The following NFIA variants were observed in gnomAD, a reference collection of about 807,000 sequenced individuals.
The protein encoded by NFIA is nuclear factor 1 A-type.
Under a neutral mutation model 62.8 loss-of-function variants are expected in NFIA, and 8 were observed. The observed-to-expected ratio is 0.13, with a 90% CI of 0.07 to 0.23. The LOEUF is 0.23. NFIA is among the 10% of genes least tolerant of loss of function. The pLI is 1.00. For missense variants in NFIA, 410 were observed against 642.1 expected, an observed-to-expected ratio of 0.64 and a Z score of 3.91; for synonymous variants, 235 against 238.1, an observed-to-expected ratio of 0.99 and a Z score of 0.12.
chr1:61,424,534 A>C (rs1467800605), intron 9 of NFIA, among the ~76,000 whole-genome samples: 1 of 152,136 alleles, frequency 6.6e-6, no homozygotes, highest in Non-Finnish European at 1.5e-5. Flanking sequence ...TCAATCACTC[A>C]TAGACTTCAT....
intron 2 of NFIA, among the ~76,000 whole-genome samples, chr1:61,137,114 A>G (rs1317983721): frequency 1.3e-5 from 2 of 152,196 alleles, no homozygotes; most frequent in Non-Finnish European, 2.9e-5. Context: ...TTTAAGGGAA[A>G]ATGCTAGCGG....
intron 2 of NFIA, among the ~76,000 whole-genome samples, chr1:61,230,471 G>A (rs544177001): frequency 4.4e-4 from 67 of 151,990 alleles, no homozygotes; most frequent in African/African-American, 1.5e-3. Flanking sequence ...TAAGTTCCCC[G>A]AGTCCACCTT....
At chr1:61,276,157 G>C (rs953617869) in intron 2 of NFIA, among the ~76,000 whole-genome samples, 1 of 152,068 alleles carries the variant, frequency 6.6e-6, no homozygotes, top group Non-Finnish European at 1.5e-5. Flanking sequence ...TTTTGCTATA[G>C]TCACCAGGTT....
intron 2 of NFIA, among the ~76,000 whole-genome samples, chr1:61,184,805 T>TA (rs1416179717): frequency 6.6e-6 from 1 of 152,160 alleles, no homozygotes; most frequent in Non-Finnish European, 1.5e-5. Flanking sequence ...AGGAAAATGG[T>TA]AAAATGCAAC....
intron 7 of NFIA, 116 bp from the exon 8 acceptor site, chr1:61,403,988 A>G: frequency 1.7e-6 from 2 of 1,206,956 alleles, no homozygotes; most frequent in East Asian, 4.7e-5. Flanking sequence ...ATTCAGTCAC[A>G]TGAGCAATAT....
At chr1:61,136,433 G>A (rs997269142) in intron 2 of NFIA, among the ~76,000 whole-genome samples, 1 of 152,096 alleles carries the variant, frequency 6.6e-6, no homozygotes, top group Non-Finnish European at 1.5e-5. Flanking sequence ...CAAATTATAC[G>A]CAAACTAGTA....
chr1:61,100,756 C>T (rs1369092716), intron 2 of NFIA, among the ~76,000 whole-genome samples: 1 of 151,914 alleles, frequency 6.6e-6, no homozygotes, highest in Non-Finnish European at 1.5e-5. Context: ...ACACCCTGGG[C>T]TAACTTAAAA....
At chr1:61,290,805 G>A (rs1658833487) in intron 3 of NFIA, among the ~76,000 whole-genome samples, 1 of 152,130 alleles carries the variant, frequency 6.6e-6, no homozygotes, top group African/African-American at 2.4e-5. Context: ...TCCTTGAAGG[G>A]AGCCAGAGGA....
At chr1:61,170,883 T>G (rs1649917695) in intron 2 of NFIA, among the ~76,000 whole-genome samples, 2 of 150,880 alleles carry the variant, frequency 1.3e-5, no homozygotes, top group Middle Eastern at 3.4e-3. Context: ...TGTTGTTGTT[T>G]TAAACAGTAA....
In NFIA at chr1:61,273,656, T is replaced by C. The variant is rs564215861; in HGVS notation, c.560-3864T>C. ...GCTGGGCCAGGCACCCTGTGGAAAG[T>C]ACCGGGGATAAGAGAAGAGTAGGAA... On this transcript the variant is annotated intron_variant, in intron 2 of 10. Coordinates refer to ENST00000403491, the MANE Select transcript of NFIA (RefSeq NM_001134673.4). Among the ~76,000 whole-genome samples, 56 of 152,272 alleles carry C rather than the reference T, an allele frequency of 3.7e-4. No homozygotes were observed. The South Asian group carries it at 0.011, about 30-fold the overall frequency.
intron 2 of NFIA, among the ~76,000 whole-genome samples, chr1:61,217,356 C>T (rs948887976): frequency 1.3e-5 from 2 of 152,042 alleles, no homozygotes; most frequent in Non-Finnish European, 2.9e-5. Flanking sequence ...GTGTGAGCCA[C>T]CCTGCCTGGC....
chr1:61,297,762 CTG>C (rs567337603), intron 3 of NFIA, among the ~76,000 whole-genome samples: 2 of 152,264 alleles, frequency 1.3e-5, no homozygotes, highest in African/African-American at 4.8e-5. Flanking sequence ...AGTGCTCTAA[CTG>C]TGAAACAAAG....
intron 2 of NFIA, among the ~76,000 whole-genome samples, chr1:61,139,397 G>C (rs1221760918): frequency 3.9e-5 from 6 of 152,194 alleles, no homozygotes; most frequent in South Asian, 4.1e-4. Context: ...CGTGCAGCTT[G>C]CTGGTGCAGC....
At position 61,458,538 on chromosome 1, in the gene NFIA, A is replaced by G. The variant is rs1437441796; in HGVS notation, c.*3218A>G. On this transcript the variant is annotated 3_prime_UTR_variant, in exon 11 of 11. Transcript: ENST00000403491. ...CTATTTTATAATGCAGGACTTTTGTAATGTTGTTTAAATGAGGAAAAATTT... is the reference window on the plus strand; with the variant it reads ...CTATTTTATAATGCAGGACTTTTGTGATGTTGTTTAAATGAGGAAAAATTT... 6.6e-6 allele frequency: 1 copy of G among 152,170 alleles called. No homozygotes were observed. Among genetic ancestry groups the G allele is most frequent in the Non-Finnish European group, 1.5e-5 (1 of 68,036 alleles). 9.4% of individuals were successfully genotyped at this position (152,170 alleles called of 1,614,324 possible). A position where few individuals can be genotyped will look rare whatever the true frequency, so the allele number is the denominator to read the frequency against.
At chr1:61,454,352 A>G (rs1668205940) in intron 10 of NFIA, among the ~76,000 whole-genome samples, 1 of 152,256 alleles carries the variant, frequency 6.6e-6, no homozygotes, top group South Asian at 2.1e-4. Flanking sequence ...TCTAGCTAAC[A>G]GAAAAAGAAA....
intron 10 of NFIA, among the ~76,000 whole-genome samples, chr1:61,427,669 A>G (rs999105222): frequency 6.6e-6 from 1 of 152,174 alleles, no homozygotes; most frequent in Admixed American, 6.5e-5. Context: ...TTGTATCTGA[A>G]GCCTTCCTCA....
chr1:61,078,215 G>T (rs751280774), upstream of NFIA, among the ~76,000 whole-genome samples: 1 of 151,724 alleles, frequency 6.6e-6, no homozygotes, highest in Non-Finnish European at 1.5e-5. Flanking sequence ...AAAGCTACAA[G>T]CGCTTCCGGA....
intron 2 of NFIA, among the ~76,000 whole-genome samples, chr1:61,159,680 C>CTTTTTT (rs11300026): frequency 1.2e-5 from 1 of 85,850 alleles, no homozygotes; most frequent in Non-Finnish European, 2.5e-5. Flanking sequence ...AATGTAGATG[C>CTTTTTT]TTTTTTTTTT....
chr1:61,259,083 T>C (rs1367929853), intron 2 of NFIA, among the ~76,000 whole-genome samples: 1 of 152,198 alleles, frequency 6.6e-6, no homozygotes, highest in Non-Finnish European at 1.5e-5. Flanking sequence ...AAACTGTCTA[T>C]CCACTTCTTT....
Sources: gnomAD v4.1 joint callset for allele counts (sites outside exome capture counted in the v4.1 genomes callset) on GRCh38, gnomAD v4.1.1 for gene constraint, MANE v1.5 for transcripts, NCBI Gene and HGNC (gene_info 2026-07-23, HGNC 2026-07-21) for gene names.